TRAF7: variants seen among roughly 807,000 people sequenced by gnomAD.
TRAF7 encodes E3 ubiquitin-protein ligase TRAF7.
A neutral mutation model predicts 89.3 loss-of-function variants in TRAF7; 45 were observed. That is an observed-to-expected ratio of 0.50 (90% CI 0.40 to 0.65). The LOEUF (loss-of-function observed/expected upper bound fraction) is 0.65, where lower values mean the gene tolerates loss of function less well. Among genes scored for constraint, TRAF7 ranks in the 30% least tolerant of loss-of-function variants. The pLI, the probability that TRAF7 is intolerant of heterozygous loss-of-function variation, is 0.00. For missense variants in TRAF7, 677 were observed against 918.1 expected, an observed-to-expected ratio of 0.74 and a Z score of 3.39; for synonymous variants, 406 against 369.2, an observed-to-expected ratio of 1.10 and a Z score of -1.14.
chr16:2,170,401 G>A (rs1013173656), intron 4 of TRAF7, among the ~76,000 whole-genome samples: 6 of 152,226 alleles, frequency 3.9e-5, no homozygotes, highest in East Asian at 3.8e-4. Flanking sequence ...CCAGCACCCC[G>A]GCCCAGGCCG....
intron 1 of TRAF7, among the ~76,000 whole-genome samples, chr16:2,157,635 G>T (rs996183177): frequency 1.3e-5 from 2 of 152,142 alleles, no homozygotes; most frequent in African/African-American, 2.4e-5. Flanking sequence ...CTCTCGGCCA[G>T]CTGGTTGGAC....
Position 2,173,926 on chromosome 16 carries a change from G to C in TRAF7, c.1141G>C (p.Asp381His). Residue 381 changes from aspartate to histidine, a missense_variant, in exon 13 of 21, where the codon GAC becomes CAC. Asp to His is a moderately conservative substitution (Grantham distance 81, BLOSUM62 -1). Transcript: ENST00000326181. ...CACTGCTCCCATCTCTGCAGCCTACGACCCTCAGCAGATCTTCAAGTGCAA... is the reference window on the plus strand; with the variant it reads ...CACTGCTCCCATCTCTGCAGCCTACCACCCTCAGCAGATCTTCAAGTGCAA... ...RLNMGILGSY[D>H]PQQIFKCKGT... 1.4e-6 allele frequency: 2 copies of C among 1,405,252 alleles called. No individual in the cohort carries two copies. Among genetic ancestry groups the C allele is most frequent in the Non-Finnish European group, 1.9e-6 (2 of 1,061,068 alleles). The allele number at this position is 1,405,252 out of a possible 1,614,324, so 87.0% of individuals were successfully genotyped here.
chr16:2,164,159 T>TGC (rs61245743), intron 2 of TRAF7, among the ~76,000 whole-genome samples, 158 bp downstream of exon 2: 6,538 of 125,902 alleles, frequency 0.052, 256 homozygotes, highest in Admixed American at 0.11. Flanking sequence ...TGTGTGTGTG[T>TGC]GCGCGCGCGC....
In TRAF7 at chr16:2,177,746, C is replaced by G. The variant is rs1450229407; in HGVS notation, c.*1172C>G. 1.6e-5 allele frequency: 4 copies of G among 244,136 alleles called. No homozygotes were observed. Among genetic ancestry groups the G allele is most frequent in the African/African-American group, 8.9e-5 (4 of 45,090 alleles). The allele number at this position is 244,136 out of a possible 1,614,324, so 15.1% of individuals were successfully genotyped here. On this transcript the variant is annotated 3_prime_UTR_variant, in exon 21 of 21. Transcript: ENST00000326181. ...CCCACATTCACCAAACCCACCCGCG[C>G]CCTGGGACGCAGCCACGCCAGGAGG... is the stretch of plus-strand genomic sequence containing the variant.
chr16:2,173,859 T>TTGGCCC, intron 12 of TRAF7, 23 bp downstream of exon 12: 3 of 1,246,214 alleles, frequency 2.4e-6, no homozygotes, highest in Non-Finnish European at 3.3e-6. Flanking sequence ...CCGCCGTGGC[T>TTGGCCC]CCCGCCCACC....
rs775494645 is a variant in TRAF7 at position 2,177,210 on chromosome 16, G to A, written c.*636G>A. ...TTCCTGCTGTTTATTGACAGCCGAC[G>A]GCAGCGCCTTGCCCAGACCTCCCCT... is the stretch of plus-strand genomic sequence containing the variant. On this transcript the variant is annotated 3_prime_UTR_variant, in exon 21 of 21. Coordinates refer to ENST00000326181, the MANE Select transcript of TRAF7 (RefSeq NM_032271.3). The A allele has an allele frequency of 1.7e-4, 41 of 245,104 alleles. No individual in the cohort carries two copies. The highest frequency in any genetic ancestry group is 3.0e-4 in the Non-Finnish European group (37 of 123,604). The allele number at this position is 245,104 out of a possible 1,614,324, so 15.2% of individuals were successfully genotyped here.
Position 2,170,610 on chromosome 16 carries a change from A to G in TRAF7, c.232-4A>G, listed in dbSNP as rs1252408092. On this transcript the variant is annotated splice_polypyrimidine_tract_variant and splice_region_variant and intron_variant, in intron 4 of 20. Transcript: ENST00000326181. ...CCCCGACAGGCGCCTCTCCCTCCAC[A>G]CAGCCCCCCATCAGCACTCCCCGCC... The G allele has an allele frequency of 6.2e-7, 1 of 1,606,974 alleles. No homozygotes were observed. The highest frequency in any genetic ancestry group is 8.5e-7 in the Non-Finnish European group (1 of 1,177,446).
At position 2,168,288 on chromosome 16, in the gene TRAF7, A is replaced by G; in HGVS notation, c.231+120A>G. ...TGGTGAGGCACAGGAGAAGAAGAGC[A>G]CCTGTGGATACCCTGAGGCCTCGGC... On this transcript the variant is annotated intron_variant, in intron 4 of 20. Coordinates refer to ENST00000326181, the MANE Select transcript of TRAF7 (RefSeq NM_032271.3). This position sits in a 1 kb window ranked among gnomAD's most constrained non-coding sequence, Gnocchi z 4.1. 1 of 761,338 alleles carries G rather than the reference A, an allele frequency of 1.3e-6. No homozygotes were observed. Among genetic ancestry groups the G allele is most frequent in the Non-Finnish European group, 2.1e-6 (1 of 477,756 alleles). The allele number at this position is 761,338 out of a possible 1,614,324, so 47.2% of individuals were successfully genotyped here.
At chr16:2,176,473 G>A (rs2093137177) in intron 20 of TRAF7, 87 bp from the exon 21 acceptor site, 1 of 1,612,976 alleles carries the variant, frequency 6.2e-7, no homozygotes, top group African/African-American at 1.3e-5. Context: ...AGCACAAAGT[G>A]GTGGAGGGCA....
Position 2,163,675 on chromosome 16 carries a change from G to T in TRAF7, c.-38-208G>T, listed in dbSNP as rs757085299. 100 of 556,932 alleles carry T rather than the reference G, an allele frequency of 1.8e-4. No individual in the cohort carries two copies. Among genetic ancestry groups the T allele is most frequent in the Non-Finnish European group, 2.8e-4 (87 of 309,570 alleles). 34.5% of individuals were successfully genotyped at this position (556,932 alleles called of 1,614,324 possible). A position where few individuals can be genotyped will look rare whatever the true frequency, so the allele number is the denominator to read the frequency against. ...CCTTGAGGGACGGTGACGCAGAGCC[G>T]CCTGCCTGCCCGGGCCTCTGCATAC... On this transcript the variant is annotated intron_variant, in intron 1 of 20. Transcript: ENST00000326181. This position sits in a 1 kb window ranked among gnomAD's most constrained non-coding sequence, Gnocchi z 4.3.
intron 4 of TRAF7, among the ~76,000 whole-genome samples, chr16:2,169,700 A>G (rs1002076539): frequency 6.6e-6 from 1 of 151,710 alleles, no homozygotes; most frequent in Non-Finnish European, 1.5e-5. Flanking sequence ...GGGCCTTGTG[A>G]CTCACTTTCT....
Position 2,171,190 on chromosome 16 carries a change from C to CGCCTGGGT in TRAF7, c.349-64_349-57dup, listed in dbSNP as rs1343203345. On this transcript the variant is annotated intron_variant, in intron 5 of 20. Coordinates refer to ENST00000326181, the MANE Select transcript of TRAF7 (RefSeq NM_032271.3). ...AGGACAGCCAGGCCTGGAGCAAGAG[C>CGCCTGGGT]GCCTGGGTGCCTGGGTGGTGGCGGG... 8.7e-6 allele frequency: 11 copies of CGCCTGGGT among 1,261,072 alleles called. No homozygotes were observed. The African/African-American group carries it at 1.5e-4, about 17-fold the overall frequency. The allele number at this position is 1,261,072 out of a possible 1,614,324, so 78.1% of individuals were successfully genotyped here. A position where few individuals can be genotyped will look rare whatever the true frequency, so the allele number is the denominator to read the frequency against.
chr16:2,174,989 G>A, intron 14 of TRAF7, 122 bp from the exon 15 acceptor site: 1 of 1,213,802 alleles, frequency 8.2e-7, no homozygotes, highest in Non-Finnish European at 1.2e-6. Context: ...ACACAGCAGT[G>A]GCCTTGGCCC....
intron 4 of TRAF7, among the ~76,000 whole-genome samples, chr16:2,169,624 C>T (rs867573745): frequency 6.6e-6 from 1 of 152,192 alleles, no homozygotes; most frequent in Admixed American, 6.5e-5. Flanking sequence ...TGGGCAGGCC[C>T]GGGAGAGTGG....
At chr16:2,174,094 C>A in intron 13 of TRAF7, 46 bp downstream of exon 13, 1 of 1,608,670 alleles carries the variant, frequency 6.2e-7, no homozygotes, top group Non-Finnish European at 8.5e-7. Flanking sequence ...CTGGGCTGGG[C>A]ACTGCCACAT....
rs2141264634 is a variant in TRAF7, at chr16:2,159,753, G to C, written c.-39+3895G>C. Among the ~76,000 whole-genome samples, 1 of 152,346 alleles carries C rather than the reference G, an allele frequency of 6.6e-6. No homozygotes were observed. The highest frequency in any genetic ancestry group is 1.9e-4 in the East Asian group (1 of 5,178). ...GGCCTCACAGGCACACCCACCCATG[G>C]CTTGCGCCCCACACATGTTCAGGGG... is the stretch of plus-strand genomic sequence containing the variant. On this transcript the variant is annotated intron_variant, in intron 1 of 20. Coordinates refer to ENST00000326181, the MANE Select transcript of TRAF7 (RefSeq NM_032271.3). The surrounding 1 kb of genome is among the most constrained non-coding windows in gnomAD (Gnocchi z 6.5).
In TRAF7 at chr16:2,168,388, G is replaced by C. The variant is rs1029715736; in HGVS notation, c.231+220G>C. The C allele has an allele frequency of 1.9e-6, 1 of 528,404 alleles. No homozygotes were observed. The highest frequency in any genetic ancestry group is 3.4e-6 in the Non-Finnish European group (1 of 294,600). The allele number at this position is 528,404 out of a possible 1,614,324, so 32.7% of individuals were successfully genotyped here. A position where few individuals can be genotyped will look rare whatever the true frequency, so the allele number is the denominator to read the frequency against. On this transcript the variant is annotated intron_variant, in intron 4 of 20. Transcript: ENST00000326181. The surrounding 1 kb of genome is among the most constrained non-coding windows in gnomAD (Gnocchi z 4.1). ...TGGCAGGGGGCAGCCAGTGAGGGCA[G>C]CTGGGTCAGAGGGCCTGGCACCTGC...
At position 2,175,522 on chromosome 16, in the gene TRAF7, A is replaced by G. The variant is rs2141294748; in HGVS notation, c.1526A>G (p.Glu509Gly). 6.2e-7 allele frequency: 1 copy of G among 1,613,316 alleles called. No homozygotes were observed. Among genetic ancestry groups the G allele is most frequent in the Non-Finnish European group, 8.5e-7 (1 of 1,179,976 alleles). The change falls in exon 17 of 21, where the codon GAG (glutamate) becomes GGG (glycine). Residue 509 changes from glutamate (E) to glycine (G), a missense_variant. By Grantham distance (98) the Glu-to-Gly change is moderately conservative. Transcript: ENST00000326181. ...AIKVWDIVGT[E>G]LKLKKELTGL... is the part of the protein sequence containing the mutation. The stretch of plus-strand genomic sequence containing the variant: ...CAGGTCTGGGACATCGTGGGCACTG[A>G]GCTGAAGTTGAAGAAGGAGCTCACA...
In TRAF7 at chr16:2,168,081, C is replaced by T. The variant is rs780892018; in HGVS notation, c.144C>T (p.Asp48=). The T allele has an allele frequency of 1.2e-5, 20 of 1,611,146 alleles. No individual in the cohort carries two copies. The highest frequency in any genetic ancestry group is 6.7e-5 in the Admixed American group (4 of 59,982). ...FSAVTTITKA[D]GTSTYKQHCR... is the part of the protein sequence containing the mutation. ...GCCAGCCCTCTTGCCTTGCAGCTGACGGGACCAGCACCTACAAGCAGCACT... is the reference window on the plus strand; with the variant it reads ...GCCAGCCCTCTTGCCTTGCAGCTGATGGGACCAGCACCTACAAGCAGCACT... Residue 48 remains aspartate, a synonymous_variant, in exon 4 of 21, where the codon GAC becomes GAT. Coordinates refer to ENST00000326181, the MANE Select transcript of TRAF7 (RefSeq NM_032271.3). This position sits in a 1 kb window ranked among gnomAD's most constrained non-coding sequence, Gnocchi z 4.1.
Sources: allele counts gnomAD v4.1 joint callset (sites outside exome capture counted in the v4.1 genomes callset), GRCh38; gene constraint gnomAD v4.1.1; non-coding constraint Gnocchi (gnomAD v3.1); transcripts MANE v1.5; gene names NCBI Gene and HGNC (gene_info 2026-07-23, HGNC 2026-07-21).